Variants in PPP2R2C observed in about 807,000 individuals in gnomAD.
PPP2R2C encodes the protein protein phosphatase 2, regulatory subunit B, gamma.
In PPP2R2C, 10 loss-of-function variants were observed where a neutral mutation model predicts 45.3. That is an observed-to-expected ratio of 0.22 (90% CI 0.14 to 0.37). The LOEUF is 0.37. PPP2R2C is among the 10% of genes least tolerant of loss of function. The pLI is 1.00. For synonymous variants in PPP2R2C, 257 were observed against 245.4 expected, an observed-to-expected ratio of 1.05 and a Z score of -0.44; for missense variants, 308 against 619.7, an observed-to-expected ratio of 0.50 and a Z score of 5.34.
rs1172778024 is a variant in PPP2R2C at position 6,471,212 on chromosome 4, G to T, written c.70+948C>A. Among the ~76,000 whole-genome samples, 3 of 152,160 alleles carry T rather than the reference G, an allele frequency of 2.0e-5. No homozygotes were observed. The East Asian group carries it at 5.8e-4, about 29-fold the overall frequency. On this transcript the variant is annotated intron_variant, in intron 1 of 8. Transcript: ENST00000382599. This position sits in a 1 kb window ranked among gnomAD's most constrained non-coding sequence, Gnocchi z 5.6. The stretch of plus-strand genomic sequence containing the variant: ...ACTTCTGCGGCCGGGCCGCCAGCCC[G>T]TGGGTTAGCGGCTGACAGTCCCCGC...
At chr4:6,521,123 G>GGCCACA (rs1444050508) in intron 2 of PPP2R2C, among the ~76,000 whole-genome samples, 1 of 152,202 alleles carries the variant, frequency 6.6e-6, no homozygotes, top group East Asian at 1.9e-4. Flanking sequence ...CAGCATCGGT[G>GGCCACA]GCCACAGCGT....
chr4:6,523,634 G>A (rs2108815717), intron 2 of PPP2R2C: 1 of 152,302 alleles, frequency 6.6e-6, no homozygotes, highest in Non-Finnish European at 1.5e-5. Flanking sequence ...GAAGCGGCAG[G>A]GCCACCGCAA....
rs1159859403 is a variant in PPP2R2C, at chr4:6,381,114, A to G, written c.71-20T>C. ...TGTCAGCTGGGAGGGGAACAGCAAG[A>G]CGGGAAGGGGTGGCTGTCAGAACCC... On this transcript the variant is annotated intron_variant, in intron 1 of 8. Coordinates refer to ENST00000382599, the MANE Select transcript of PPP2R2C (RefSeq NM_020416.4). 1.1e-5 allele frequency: 17 copies of G among 1,561,026 alleles called. No homozygotes were observed. The highest frequency in any genetic ancestry group is 1.5e-5 in the Non-Finnish European group (17 of 1,151,400).
In PPP2R2C at chr4:6,410,031, C is replaced by G. The variant is rs1413652819; in HGVS notation, c.71-28937G>C. 3.3e-5 allele frequency among the ~76,000 whole-genome samples: 5 copies of G among 152,124 alleles called. No individual in the cohort carries two copies. In the East Asian group the frequency reaches 5.8e-4, roughly 18 times the overall value. Reference sequence around the variant, plus strand: ...CTGCATGACATGTGTCCCTCAGAGGCCTTTACTTAAGCAGAGGGGGCTCCA... The same window carrying G: ...CTGCATGACATGTGTCCCTCAGAGGGCTTTACTTAAGCAGAGGGGGCTCCA... On this transcript the variant is annotated intron_variant, in intron 1 of 8. Coordinates refer to ENST00000382599, the MANE Select transcript of PPP2R2C (RefSeq NM_020416.4).
intron 1 of PPP2R2C, among the ~76,000 whole-genome samples, chr4:6,459,645 C>A (rs1721221003): frequency 6.6e-6 from 1 of 152,070 alleles, no homozygotes; most frequent in South Asian, 2.1e-4. Flanking sequence ...CTGAAAAATG[C>A]TTTAAAAGAA....
In PPP2R2C at chr4:6,563,189, G is replaced by A. The variant is rs1017355574; in HGVS notation, c.-59+371C>T. ...CTCGAGCGCGCCGGTTCTCGGCCGA[G>A]ACGCTGTGGCTGACACCGGTGGAGC... On this transcript the variant is annotated intron_variant, in intron 1 of 9. Coordinates refer to the PPP2R2C transcript ENST00000506140. This position sits in a 1 kb window ranked among gnomAD's most constrained non-coding sequence, Gnocchi z 5.8. Among the ~76,000 whole-genome samples the A allele has an allele frequency of 1.4e-4, 21 of 152,208 alleles. No individual in the cohort carries two copies. Among genetic ancestry groups the A allele is most frequent in the African/African-American group, 4.8e-4 (20 of 41,466 alleles).
Position 6,369,303 on chromosome 4 carries a change from A to G in PPP2R2C, c.625+3220T>C, listed in dbSNP as rs139309508. Among the ~76,000 whole-genome samples the G allele has an allele frequency of 1.7e-3, 259 of 152,314 alleles. 1 individual carries two copies. The highest frequency in any genetic ancestry group is 6.0e-3 in the African/African-American group (249 of 41,572). On this transcript the variant is annotated intron_variant, in intron 5 of 8. Transcript: ENST00000382599. ...AGTGCAGACGAAGCAGTCTACTACC[A>G]CAGAAAGTTCCAACAGACAGGGCTG...
chr4:6,472,775 C>CG (rs886093592), upstream of PPP2R2C, among the ~76,000 whole-genome samples: 2 of 151,814 alleles, frequency 1.3e-5, no homozygotes, highest in Non-Finnish European at 2.9e-5. Flanking sequence ...GGGTGCGCCA[C>CG]GGGGGAGGGA....
intron 1 of PPP2R2C, among the ~76,000 whole-genome samples, chr4:6,388,159 C>T (rs1716362692): frequency 2.0e-5 from 3 of 152,188 alleles, no homozygotes. Flanking sequence ...GTGCCTCCTC[C>T]CTTCCTGGGC....
At chr4:6,501,705 G>A (rs568994495) in intron 2 of PPP2R2C, among the ~76,000 whole-genome samples, 9 of 152,286 alleles carry the variant, frequency 5.9e-5, no homozygotes, top group East Asian at 1.9e-4. Flanking sequence ...TTTTACAGAC[G>A]AAGAAGCCAT....
At chr4:6,524,066 A>G (rs1413223854) in intron 2 of PPP2R2C, among the ~76,000 whole-genome samples, 1 of 150,658 alleles carries the variant, frequency 6.6e-6, no homozygotes, top group African/African-American at 2.4e-5. Flanking sequence ...GGTGCCTGCC[A>G]CCAGGCCTGG....
intron 1 of PPP2R2C, among the ~76,000 whole-genome samples, chr4:6,424,805 G>A (rs71599891): frequency 0.038 from 5,798 of 152,248 alleles, 156 homozygotes; most frequent in East Asian, 0.092. Context: ...CCTGGGACAC[G>A]TCACCTCACT....
intron 1 of PPP2R2C, among the ~76,000 whole-genome samples, chr4:6,448,979 C>A (rs1720587096): frequency 6.6e-6 from 1 of 152,214 alleles, no homozygotes; most frequent in African/African-American, 2.4e-5. Flanking sequence ...TCCTTTGGGA[C>A]CCAGGCCAGG....
At chr4:6,402,095 G>T (rs1451749932) in intron 1 of PPP2R2C, among the ~76,000 whole-genome samples, 6 of 152,216 alleles carry the variant, frequency 3.9e-5, no homozygotes, top group Non-Finnish European at 1.5e-5. Flanking sequence ...AGGATAAGAA[G>T]AATACTGTTT....
intron 1 of PPP2R2C, among the ~76,000 whole-genome samples, chr4:6,458,579 A>G (rs1304870535): frequency 6.6e-6 from 1 of 152,118 alleles, no homozygotes; most frequent in East Asian, 1.9e-4. Context: ...GTGAATTTGG[A>G]GGGGGTACTT....
intron 1 of PPP2R2C, among the ~76,000 whole-genome samples, chr4:6,410,621 G>A (rs6830207): frequency 6.6e-6 from 1 of 151,884 alleles, no homozygotes; most frequent in African/African-American, 2.4e-5. Flanking sequence ...CTGGTCTGCA[G>A]GTGTGTGAGG....
intron 1 of PPP2R2C, among the ~76,000 whole-genome samples, chr4:6,441,955 C>T (rs1363458196): frequency 6.6e-6 from 1 of 152,250 alleles, no homozygotes; most frequent in Non-Finnish European, 1.5e-5. Flanking sequence ...CCTACTCCTG[C>T]AGCATATCCC....
In PPP2R2C at chr4:6,481,822, T is replaced by C. The variant is rs78922491; in HGVS notation, c.49+53449A>G. 2.0e-5 allele frequency among the ~76,000 whole-genome samples: 3 copies of C among 151,346 alleles called. No individual in the cohort carries two copies. The East Asian group carries it at 5.8e-4, about 29-fold the overall frequency. ...GATGAGACCCCATCTCTACTAAAAA[T>C]ACAAAAATCAGCCAGGCATGGTGGC... On this transcript the variant is annotated intron_variant, in intron 2 of 9. Coordinates refer to the PPP2R2C transcript ENST00000506140.
In PPP2R2C at chr4:6,368,428, CCAGCAT is replaced by C. The variant is rs1714521422; in HGVS notation, c.625+4089_625+4094del. On this transcript the variant is annotated intron_variant, in intron 5 of 8. Transcript: ENST00000382599. This position sits in a 1 kb window ranked among gnomAD's most constrained non-coding sequence, Gnocchi z 4.2. ...CTGGAGGCAGAATCTTTATCTAGTT[CCAGCAT>C]CACCCAAGAGGGCTGGCACACAGTA... Among the ~76,000 whole-genome samples, 1 of 152,140 alleles carries C rather than the reference CCAGCAT, an allele frequency of 6.6e-6. No homozygotes were observed. Among genetic ancestry groups the C allele is most frequent in the Admixed American group, 6.5e-5 (1 of 15,274 alleles).
Sources: gnomAD v4.1 joint callset for allele counts (sites outside exome capture counted in the v4.1 genomes callset) on GRCh38, gnomAD v4.1.1 for gene constraint, Gnocchi (gnomAD v3.1) non-coding constraint, MANE v1.5 for transcripts, NCBI Gene and HGNC (gene_info 2026-07-23, HGNC 2026-07-21) for gene names.